Variants in APEX2 observed in about 807,000 individuals in gnomAD.
The protein encoded by APEX2 is apurinic/apyrimidinic endodeoxyribonuclease 2.
Under a neutral mutation model 16.7 loss-of-function variants are expected in APEX2, and 4 were observed. That is an observed-to-expected ratio of 0.24 (90% CI 0.12 to 0.55). The LOEUF is 0.55. APEX2 is among the 20% of genes least tolerant of loss of function. The probability of loss-of-function intolerance (pLI) is 0.94; values close to 1 mark genes in which losing one functional copy is unlikely to be tolerated. For missense variants in APEX2, 357 were observed against 433.6 expected (o/e 0.82, Z 1.57); for synonymous variants, 181 against 166.9 (o/e 1.08, Z -0.65).
rs1935530167 is a variant in APEX2 at position 55,007,898 on chromosome X, G to GGGA, written c.*469_*471dup. 8.5e-6 allele frequency: 1 copy of GGGA among 117,170 alleles called. No homozygotes were observed. Among genetic ancestry groups the GGGA allele is most frequent in the Admixed American group, 9.1e-5 (1 of 10,975 alleles). The allele number at this position is 117,170 out of a possible 1,213,427, so 9.7% of individuals were successfully genotyped here. On this transcript the variant is annotated 3_prime_UTR_variant, in exon 6 of 6. Transcript: ENST00000374987. ...CCCAGAGAAAGGGGAGGAGGGAGGG[G>GGGA]GGAGGAGGGAATAGTGAGGCGTGAG...
Position 55,007,373 on chromosome X carries a change from C to A in APEX2, c.1495C>A (p.Arg499=). 8.4e-7 allele frequency: 1 copy of A among 1,192,533 alleles called. No homozygotes were observed. The highest frequency in any genetic ancestry group is 1.1e-6 in the Non-Finnish European group (1 of 884,393). The change falls in exon 6 of 6, where the codon CGG becomes AGG. Residue 499 remains arginine, a synonymous_variant. Coordinates refer to ENST00000374987, the MANE Select transcript of APEX2 (RefSeq NM_014481.4). ...CCGCTTCTACATGTGTGCCAGGCCCCGGGGTCCTCCCACTGACCCCTCCTC... is the reference window on the plus strand; with the variant it reads ...CCGCTTCTACATGTGTGCCAGGCCCAGGGGTCCTCCCACTGACCCCTCCTC... ...GRRFYMCARP[R]GPPTDPSSRC...
Position 55,007,149 on chromosome X carries a change from C to G in APEX2, c.1271C>G (p.Pro424Arg), listed in dbSNP as rs753975587. The G allele has an allele frequency of 8.3e-7, 1 of 1,211,853 alleles. No homozygotes were observed. Among genetic ancestry groups the G allele is most frequent in the Non-Finnish European group, 1.1e-6 (1 of 895,532 alleles). The change falls in exon 6 of 6, where the codon CCG becomes CGG. Residue 424 changes from proline (P) to arginine (R), a missense_variant. By Grantham distance (103) the Pro-to-Arg change is moderately radical. Coordinates refer to ENST00000374987, the MANE Select transcript of APEX2 (RefSeq NM_014481.4). ...CCACTGATGAGCGCCCTCATGACCCCGAAGACTCCAGAAGAGAAGGCAGTG... is the reference window on the plus strand; with the variant it reads ...CCACTGATGAGCGCCCTCATGACCCGGAAGACTCCAGAAGAGAAGGCAGTG... Reference protein sequence around the residue: ...SLPLMSALMTPKTPEEKAVAK... With the variant: ...SLPLMSALMTRKTPEEKAVAK...
intron 5 of APEX2, among the ~76,000 whole-genome samples, chrX:55,004,653 G>A (rs1381204779): frequency 9.0e-6 from 1 of 111,337 alleles, no homozygotes; most frequent in Admixed American, 9.5e-5. Flanking sequence ...TCTCTAGACA[G>A]GTTGTCTCCT....
At chrX:55,006,250 A>C (rs536293619) in intron 5 of APEX2, among the ~76,000 whole-genome samples, 51 of 110,897 alleles carry the variant, frequency 4.6e-4, no homozygotes, top group East Asian at 5.7e-4. Context: ...TTGAGTAAGC[A>C]AACTTTCAGA....
chrX:55,000,367 A>T lies in APEX2; in HGVS notation c.-56A>T. 1 of 1,092,453 alleles carries T rather than the reference A, an allele frequency of 9.2e-7. No homozygotes were observed. The highest frequency in any genetic ancestry group is 2.3e-5 in the South Asian group (1 of 42,894). The allele number at this position is 1,092,453 out of a possible 1,213,427, so 90.0% of individuals were successfully genotyped here. A position where few individuals can be genotyped will look rare whatever the true frequency, so the allele number is the denominator to read the frequency against. On this transcript the variant is annotated 5_prime_UTR_variant, in exon 1 of 6. In the 5' UTR this introduces an upstream ATG that the reference lacks. Transcript: ENST00000374987. ...GGGCCTGGCCAACTTCTGAACAGGA[A>T]GCAGTTCGCTCGCGCCTAGGTTGGC... is the stretch of plus-strand genomic sequence containing the variant.
rs1238298843 is a variant in APEX2, at chrX:55,008,580, AAAAAG to A, written c.*1155_*1159del. 9 of 111,331 alleles carry A rather than the reference AAAAAG, an allele frequency of 8.1e-5. No homozygotes were observed. The highest frequency in any genetic ancestry group is 3.8e-4 in the South Asian group (1 of 2,598). The allele number at this position is 111,331 out of a possible 1,213,427, so 9.2% of individuals were successfully genotyped here. Reference sequence around the variant, plus strand: ...AGTGAAATTCAGTCTCCAAAAAAAAAAAAAGAAAAGAAAAAGAATGGGACTGGTAA... The same window carrying A: ...AGTGAAATTCAGTCTCCAAAAAAAAAAAAAGAAAAAGAATGGGACTGGTAA... On this transcript the variant is annotated 3_prime_UTR_variant, in exon 6 of 6. Coordinates refer to ENST00000374987, the MANE Select transcript of APEX2 (RefSeq NM_014481.4).
intron 1 of APEX2, among the ~76,000 whole-genome samples, chrX:55,000,931 A>T (rs935825964): frequency 5.6e-5 from 6 of 107,870 alleles, no homozygotes; most frequent in African/African-American, 1.7e-4. Context: ...CCAAGCTCAG[A>T]TCCTCTAATT....
In APEX2 at chrX:55,000,695, A is replaced by G. The variant is rs780488233; in HGVS notation, c.157+116A>G. On this transcript the variant is annotated intron_variant, in intron 1 of 5. Transcript: ENST00000374987. ...CCTATTCTTAGAGTCCTGTCCTTAG[A>G]CCCAGGTCCCTTCCCTCTTAAACTT... is the stretch of plus-strand genomic sequence containing the variant. 2.9e-4 allele frequency: 252 copies of G among 860,479 alleles called. 1 individual carries two copies. The highest frequency in any genetic ancestry group is 3.7e-4 in the Non-Finnish European group (237 of 641,583). The allele number at this position is 860,479 out of a possible 1,213,427, so 70.9% of individuals were successfully genotyped here.
At chrX:55,006,425 T>C in intron 5 of APEX2, 93 bp from the exon 6 acceptor site, 3 of 796,144 alleles carry the variant, frequency 3.8e-6, no homozygotes, top group Non-Finnish European at 5.0e-6. Context: ...AATTTTCTTA[T>C]TTGCAAAATG....
chrX:55,003,094 C>T lies in APEX2; in HGVS notation c.555C>T (p.Leu185=), dbSNP rs374771351. Reference sequence around the variant, plus strand: ...TGCTGCAAATCCGAGCAGAAGCCCTCCTGGCGGCAGGCAGGTACTGCAAGC... The same window carrying T: ...TGCTGCAAATCCGAGCAGAAGCCCTTCTGGCGGCAGGCAGGTACTGCAAGC... ...YRLLQIRAEA[L]LAAGSHVIIL... Residue 185 remains leucine (L), a synonymous_variant, in exon 4 of 6, where the codon CTC becomes CTT. Coordinates refer to ENST00000374987, the MANE Select transcript of APEX2 (RefSeq NM_014481.4). 1 of 1,210,636 alleles carries T rather than the reference C, an allele frequency of 8.3e-7. No individual in the cohort carries two copies. The highest frequency in any genetic ancestry group is 3.0e-5 in the East Asian group (1 of 33,782).
intron 5 of APEX2, among the ~76,000 whole-genome samples, chrX:55,005,323 C>T (rs1935487391): frequency 8.9e-6 from 1 of 111,871 alleles, no homozygotes; most frequent in South Asian, 3.7e-4. Flanking sequence ...CAGAGGTATC[C>T]TAGATCTCTT....
Position 55,003,280 on chromosome X carries a change from T to G in APEX2, c.569+172T>G, listed in dbSNP as rs543235839. 1.5e-4 allele frequency among the ~76,000 whole-genome samples: 17 copies of G among 112,818 alleles called. No individual in the cohort carries two copies. The South Asian group carries it at 5.8e-3, about 39-fold the overall frequency. On this transcript the variant is annotated intron_variant, in intron 4 of 5. Coordinates refer to ENST00000374987, the MANE Select transcript of APEX2 (RefSeq NM_014481.4). ...GCTCTGCTCAAAACAAACATGGGTT[T>G]TGTACTCTGAGCACCTATTCAGGCT...
intron 1 of APEX2, 68 bp from the exon 2 acceptor site, chrX:55,001,478 T>G: frequency 1.1e-6 from 1 of 902,325 alleles, no homozygotes; most frequent in South Asian, 2.2e-5. Context: ...ACAACTGTAA[T>G]TCCAGGCCTT....
Position 55,002,385 on chromosome X carries a change from G to T in APEX2, c.376G>T (p.Ala126Ser), listed in dbSNP as rs762024105. 2.7e-5 allele frequency: 33 copies of T among 1,208,551 alleles called. No individual in the cohort carries two copies. In the East Asian group the frequency reaches 9.8e-4, roughly 36 times the overall value. Residue 126 changes from alanine to serine, a missense_variant, in exon 3 of 6, where the codon GCT (alanine) becomes TCT (serine). Ala to Ser is a moderately conservative substitution (Grantham distance 99). Coordinates refer to ENST00000374987, the MANE Select transcript of APEX2 (RefSeq NM_014481.4). Reference protein sequence around the residue: ...MDEFTQEELRALDSEGRALLT... With the variant: ...MDEFTQEELRSLDSEGRALLT... ...TGAGTTTACCCAAGAGGAACTCCGGGCTCTGGATAGTGAGGGCAGGGCCCT... is the reference window on the plus strand; with the variant it reads ...TGAGTTTACCCAAGAGGAACTCCGGTCTCTGGATAGTGAGGGCAGGGCCCT...
chrX:55,006,480 G>GTC, intron 5 of APEX2, 38 bp from the exon 6 acceptor site: 2 of 1,049,539 alleles, frequency 1.9e-6, no homozygotes, highest in Non-Finnish European at 2.5e-6. Flanking sequence ...ATCTAGTTCT[G>GTC]TCTCTCTCTC....
At chrX:55,002,179 A>G in intron 2 of APEX2, 72 bp from the exon 3 acceptor site, 1 of 1,010,481 alleles carries the variant, frequency 9.9e-7, no homozygotes, top group African/African-American at 1.9e-5. Flanking sequence ...TGTGGGGACA[A>G]TTGGAGTGGG....
In APEX2 at chrX:55,001,584, T is replaced by C; in HGVS notation, c.196T>C (p.Tyr66His). The C allele has an allele frequency of 8.3e-7, 1 of 1,208,229 alleles. No individual in the cohort carries two copies. The highest frequency in any genetic ancestry group is 1.1e-6 in the Non-Finnish European group (1 of 893,909). ...AGAGCCCCTGGCTATCGTTGAGGGT[T>C]ATAACTCCTATTTCAGCTTCAGCCG... is the stretch of plus-strand genomic sequence containing the variant. ...LTEPLAIVEG[Y>H]NSYFSFSRNR... Residue 66 changes from tyrosine to histidine, a missense_variant, in exon 2 of 6, where the codon TAT becomes CAT. Transcript: ENST00000374987.
At chrX:55,002,551 C>T in intron 3 of APEX2, 120 bp downstream of exon 3, 5 of 884,392 alleles carry the variant, frequency 5.7e-6, no homozygotes, top group Non-Finnish European at 7.6e-6. Flanking sequence ...ATTTGCCTTT[C>T]CTGGTTTAGT....
At chrX:55,002,852 CCTTT>C in intron 3 of APEX2, 106 bp from the exon 4 acceptor site, 4 of 888,081 alleles carry the variant, frequency 4.5e-6, no homozygotes, top group Non-Finnish European at 6.2e-6. Context: ...CTCTTTAACC[CCTTT>C]CTTTTCCATC....
Sources: allele counts gnomAD v4.1 joint callset (sites outside exome capture counted in the v4.1 genomes callset), GRCh38; gene constraint gnomAD v4.1.1; transcripts MANE v1.5; gene names NCBI Gene and HGNC (gene_info 2026-07-23, HGNC 2026-07-21).